The following NDST4 variants were observed in gnomAD, a reference collection of about 807,000 sequenced individuals.
NDST4 encodes the protein N-deacetylase and N-sulfotransferase 4.
A neutral mutation model predicts 100.8 loss-of-function variants in NDST4; 63 were observed. The observed-to-expected ratio is 0.62, with a 90% CI of 0.51 to 0.77. NDST4 has a LOEUF of 0.77. Among genes scored for constraint, NDST4 ranks in the 30% least tolerant of loss-of-function variants. The pLI is 0.00. For missense variants in NDST4, 943 were observed against 1,018.4 expected (o/e 0.93, Z 1.01); for synonymous variants, 377 against 361.8 (o/e 1.04, Z -0.48).
At chr4:115,089,445 T>A (rs1350241923) in intron 1 of NDST4, among the ~76,000 whole-genome samples, 1 of 151,994 alleles carries the variant, frequency 6.6e-6, no homozygotes. Context: ...AATTCTATAA[T>A]CTTATGAATA....
chr4:115,102,296 A>T (rs1729745754), intron 1 of NDST4, among the ~76,000 whole-genome samples: 1 of 152,116 alleles, frequency 6.6e-6, no homozygotes, highest in Non-Finnish European at 1.5e-5. Flanking sequence ...ACTATAAGAT[A>T]CAGAGACAAG....
At chr4:114,848,607 C>T (rs895974026) in intron 8 of NDST4, among the ~76,000 whole-genome samples, 26 of 152,240 alleles carry the variant, frequency 1.7e-4, no homozygotes, top group South Asian at 4.1e-4. Context: ...TGTGGCACTG[C>T]GGAAGTCATG....
At chr4:114,938,369 G>A (rs1725678081) in intron 4 of NDST4, among the ~76,000 whole-genome samples, 1 of 152,166 alleles carries the variant, frequency 6.6e-6, no homozygotes, top group South Asian at 2.1e-4. Flanking sequence ...AAGAAAACAA[G>A]TATAAATTTA....
intron 7 of NDST4, among the ~76,000 whole-genome samples, chr4:114,862,984 C>T (rs551417945): frequency 6.6e-5 from 10 of 152,108 alleles, no homozygotes; most frequent in African/African-American, 2.2e-4. Context: ...TAGGGATTTC[C>T]AGATGCCCAT....
chr4:115,109,799 T>G (rs1729908555), intron 1 of NDST4, among the ~76,000 whole-genome samples: 2 of 151,920 alleles, frequency 1.3e-5, no homozygotes, highest in Non-Finnish European at 2.9e-5. Context: ...AAACCATTAT[T>G]TAGCCTGTCA....
intron 6 of NDST4, among the ~76,000 whole-genome samples, chr4:114,933,933 A>AGG: frequency 6.6e-6 from 1 of 152,282 alleles, no homozygotes; most frequent in African/African-American, 2.4e-5. Flanking sequence ...ATATTATGGA[A>AGG]AACACTATAG....
At chr4:114,857,446 G>C (rs532305085) in intron 7 of NDST4, among the ~76,000 whole-genome samples, 1 of 152,270 alleles carries the variant, frequency 6.6e-6, no homozygotes, top group South Asian at 2.1e-4. Flanking sequence ...TTACAAATAA[G>C]TGGCCCATGA....
intron 4 of NDST4, among the ~76,000 whole-genome samples, chr4:114,943,220 A>T (rs1032801356): frequency 6.6e-6 from 1 of 151,520 alleles, no homozygotes; most frequent in African/African-American, 2.4e-5. Context: ...AAAACAGGAC[A>T]AATAGGTATT....
At chr4:114,918,785 T>C (rs961011119) in intron 6 of NDST4, among the ~76,000 whole-genome samples, 13 of 152,146 alleles carry the variant, frequency 8.5e-5, no homozygotes, top group African/African-American at 2.7e-4. Context: ...TTTGCATAAA[T>C]GGACCTGATT....
At chr4:114,956,157 G>A (rs1048772626) in intron 4 of NDST4, among the ~76,000 whole-genome samples, 7 of 152,088 alleles carry the variant, frequency 4.6e-5, no homozygotes, top group East Asian at 3.9e-4. Flanking sequence ...AAAGGAAATC[G>A]GAGAGTAATA....
intron 4 of NDST4, among the ~76,000 whole-genome samples, chr4:114,942,975 G>A (rs1400265152): frequency 1.4e-5 from 2 of 147,716 alleles, no homozygotes; most frequent in Admixed American, 1.4e-4. Flanking sequence ...ATTTTTAGAT[G>A]AGTAGAATTT....
intron 4 of NDST4, among the ~76,000 whole-genome samples, chr4:114,955,302 C>G (rs1726113337): frequency 6.6e-6 from 1 of 152,052 alleles, no homozygotes; most frequent in African/African-American, 2.4e-5. Context: ...TGCGGATTGA[C>G]TGTAGTCATC....
intron 10 of NDST4, among the ~76,000 whole-genome samples, chr4:114,845,209 G>C (rs952007125): frequency 1.3e-5 from 2 of 152,164 alleles, no homozygotes; most frequent in African/African-American, 4.8e-5. Context: ...GTGTGTGCCT[G>C]TAGTCTCAGC....
chr4:114,918,333 G>C (rs1725217171), intron 6 of NDST4, among the ~76,000 whole-genome samples: 1 of 142,580 alleles, frequency 7.0e-6, no homozygotes, highest in African/African-American at 2.6e-5. Flanking sequence ...AGTGTGTCAG[G>C]ACTTCCCTTT....
chr4:115,034,656 A>G (rs1464171293), intron 2 of NDST4, among the ~76,000 whole-genome samples: 1 of 151,988 alleles, frequency 6.6e-6, no homozygotes, highest in East Asian at 1.9e-4. Flanking sequence ...GGAAGCCATG[A>G]AAATGTGGTG....
intron 2 of NDST4, among the ~76,000 whole-genome samples, chr4:115,024,145 C>T (rs936714371): frequency 2.6e-5 from 4 of 152,160 alleles, no homozygotes; most frequent in Non-Finnish European, 4.4e-5. Flanking sequence ...AGCCACTTCA[C>T]ACAGCCCCCA....
chr4:114,929,113 C>CATCCATCCATCCATCTATCT (rs1578395038), intron 6 of NDST4, among the ~76,000 whole-genome samples: 9 of 117,484 alleles, frequency 7.7e-5, no homozygotes, highest in East Asian at 7.4e-4. Context: ...TCCATCCATC[C>CATCCATCCATCCATCTATCT]ATCTATCTAT....
At chr4:114,838,948 A>G (rs1400047385) in intron 11 of NDST4, among the ~76,000 whole-genome samples, 4 of 152,100 alleles carry the variant, frequency 2.6e-5, no homozygotes, top group Non-Finnish European at 4.4e-5. Flanking sequence ...CTTTCCTTAT[A>G]AGGGCCATAC....
At chr4:115,087,243 C>T (rs1014807280) in intron 1 of NDST4, among the ~76,000 whole-genome samples, 1 of 151,918 alleles carries the variant, frequency 6.6e-6, no homozygotes, top group African/African-American at 2.4e-5. Context: ...TATAATCAAA[C>T]TGAAACCAGA....
Sources: allele counts gnomAD v4.1 joint callset (sites outside exome capture counted in the v4.1 genomes callset), GRCh38; gene constraint gnomAD v4.1.1; transcripts MANE v1.5; gene names NCBI Gene and HGNC (gene_info 2026-07-23, HGNC 2026-07-21).